The following HEATR5B variants were observed in gnomAD, a reference collection of about 807,000 sequenced individuals.
HEATR5B encodes HEAT repeat-containing protein 5B.
In HEATR5B, 156 loss-of-function variants were observed where a neutral mutation model predicts 224.1. That is an observed-to-expected ratio of 0.70 (90% CI 0.61 to 0.80). The LOEUF is 0.80. Ranked by LOEUF, HEATR5B falls within the 30% of genes least tolerant of loss-of-function variation. HEATR5B has a pLI of 0.00. For missense variants in HEATR5B, 2,323 were observed against 2,535.5 expected, an observed-to-expected ratio of 0.92 and a Z score of 1.80; for synonymous variants, 1,027 against 893.0, an observed-to-expected ratio of 1.15 and a Z score of -2.68.
At chr2:37,059,400 A>ATG (rs1341555176) in intron 12 of HEATR5B, among the ~76,000 whole-genome samples, 36 of 131,762 alleles carry the variant, frequency 2.7e-4, no homozygotes, top group African/African-American at 9.4e-4. Context: ...ACAGATATAT[A>ATG]TGTATATGTG....
intron 12 of HEATR5B, 50 bp downstream of exon 12, chr2:37,060,531 T>A: frequency 7.0e-7 from 1 of 1,429,214 alleles, no homozygotes; most frequent in Non-Finnish European, 9.3e-7. Flanking sequence ...ACTTTACAAA[T>A]ATTTTAGTTA....
chr2:37,049,573 A>C, intron 18 of HEATR5B, 80 bp downstream of exon 18: 1 of 1,273,780 alleles, frequency 7.9e-7, no homozygotes, highest in Non-Finnish European at 1.1e-6. Context: ...ACCATGTGGA[A>C]AACATAAACT....
chr2:37,047,454 A>C (rs1256299053), intron 18 of HEATR5B, among the ~76,000 whole-genome samples: 3 of 152,246 alleles, frequency 2.0e-5, no homozygotes, highest in African/African-American at 7.2e-5. Context: ...TAGTGAACCT[A>C]AAGCAGAATC....
intron 33 of HEATR5B, among the ~76,000 whole-genome samples, chr2:36,992,300 C>T (rs565443759): frequency 1.3e-5 from 2 of 151,986 alleles, no homozygotes; most frequent in African/African-American, 4.8e-5. Context: ...TGAGAACCCA[C>T]CCAGACTAGG....
Position 37,027,937 on chromosome 2 carries a change from A to C in HEATR5B, c.3839T>G (p.Leu1280Arg). The C allele has an allele frequency of 6.2e-7, 1 of 1,613,660 alleles. No individual in the cohort carries two copies. The highest frequency in any genetic ancestry group is 8.5e-7 in the Non-Finnish European group (1 of 1,179,620). Residue 1280 changes from leucine to arginine, a missense_variant, in exon 24 of 36, where the codon CTT (leucine) becomes CGT (arginine). This residue lies in a region of HEATR5B where 339 missense variants were observed against 378.4 expected (regional missense o/e 0.90). Transcript: ENST00000233099. ...TTTAAATTTACTTGTAGGGTTTCGA[A>C]GTTTAGCAGAACGTGCCAAGGCAAG... The part of the protein sequence containing the change: ...FDLALARSAK[L>R]RNPTNDLLVL...
chr2:37,044,380 G>C (rs1198956074), intron 18 of HEATR5B, among the ~76,000 whole-genome samples: 1 of 152,124 alleles, frequency 6.6e-6, no homozygotes, highest in South Asian at 2.1e-4. Flanking sequence ...CCTAGTCTTT[G>C]GGGTCTGGAT....
At chr2:37,034,233 C>T (rs1300227077) in intron 21 of HEATR5B, among the ~76,000 whole-genome samples, 1 of 150,744 alleles carries the variant, frequency 6.6e-6, no homozygotes, top group Non-Finnish European at 1.5e-5. Flanking sequence ...GTCTCCATCT[C>T]CTGACCTTCT....
At chr2:36,990,463 T>C (rs1328310029) in intron 34 of HEATR5B, among the ~76,000 whole-genome samples, 185 bp downstream of exon 34, 2 of 152,230 alleles carry the variant, frequency 1.3e-5, no homozygotes, top group African/African-American at 4.8e-5. Context: ...TTTCTACATA[T>C]GTGAATAAAC....
chr2:37,062,197 C>A lies in HEATR5B; in HGVS notation c.1585-147G>T, dbSNP rs541482567. 2.9e-4 allele frequency: 156 copies of A among 531,286 alleles called. 1 individual carries two copies. Among genetic ancestry groups the A allele is most frequent in the African/African-American group, 2.6e-3 (136 of 51,508 alleles). 32.9% of individuals were successfully genotyped at this position (531,286 alleles called of 1,614,324 possible). ...ATCCTAGCACTTTGGGAGGCTGAGG[C>A]AGGCAGATTGCCTGAGCTCAGGAGT... On this transcript the variant is annotated intron_variant, in intron 10 of 35. Coordinates refer to ENST00000233099, the MANE Select transcript of HEATR5B (RefSeq NM_019024.3).
At chr2:37,000,845 A>C (rs1382683358) in intron 32 of HEATR5B, 32 bp from the exon 33 acceptor site, 2 of 1,372,170 alleles carry the variant, frequency 1.5e-6, no homozygotes, top group South Asian at 2.3e-5. Flanking sequence ...TCACCTCATA[A>C]CTATTCAGTT....
intron 5 of HEATR5B, among the ~76,000 whole-genome samples, chr2:37,073,318 C>T (rs960629184): frequency 1.4e-4 from 21 of 152,162 alleles, no homozygotes; most frequent in Admixed American, 6.5e-5. Flanking sequence ...ATGTTATTCA[C>T]CACATTAGCA....
chr2:37,050,640 T>C (rs933373334), intron 17 of HEATR5B, among the ~76,000 whole-genome samples: 6 of 152,214 alleles, frequency 3.9e-5, no homozygotes, highest in Admixed American at 2.6e-4. Context: ...AAGAGGATAT[T>C]TGGAAGAGTA....
intron 18 of HEATR5B, among the ~76,000 whole-genome samples, chr2:37,044,804 G>T (rs1670089380): frequency 6.6e-6 from 1 of 152,170 alleles, no homozygotes; most frequent in Non-Finnish European, 1.5e-5. Flanking sequence ...ATTGGTCCCA[G>T]AAGTCACTGA....
At chr2:37,016,661 T>C (rs62133105) in intron 26 of HEATR5B, among the ~76,000 whole-genome samples, 27,307 of 152,138 alleles carry the variant, frequency 0.18, 3,199 homozygotes, top group East Asian at 0.53. Context: ...ACAAGTCAGC[T>C]CAGGTTTTGC....
rs187749558 is a variant in HEATR5B at position 37,081,941 on chromosome 2, T to C, written c.126+1348A>G. Among the ~76,000 whole-genome samples, 427 of 151,182 alleles carry C rather than the reference T, an allele frequency of 2.8e-3. 6 individuals are homozygous for C. The highest frequency in any genetic ancestry group is 9.9e-3 in the African/African-American group (409 of 41,158). On this transcript the variant is annotated intron_variant, in intron 2 of 35. Transcript: ENST00000233099. ...ACTAAGGTCAGGGACCAAACTAGCC[T>C]ACAGTGAAGTCCAGTTTAAAAGACT...
At chr2:37,021,466 T>G (rs1408012366) in intron 24 of HEATR5B, among the ~76,000 whole-genome samples, 1 of 152,210 alleles carries the variant, frequency 6.6e-6, no homozygotes, top group African/African-American at 2.4e-5. Flanking sequence ...CCTGACAATG[T>G]CAATTACCAG....
intron 28 of HEATR5B, chr2:37,008,210 C>G (rs1471200450): frequency 5.8e-6 from 1 of 172,834 alleles, no homozygotes; most frequent in African/African-American, 2.4e-5. Context: ...GATAAGAAAA[C>G]TAAAGTACAA....
At chr2:37,052,870 T>G (rs1670646979) in intron 17 of HEATR5B, among the ~76,000 whole-genome samples, 1 of 152,182 alleles carries the variant, frequency 6.6e-6, no homozygotes, top group Non-Finnish European at 1.5e-5. Context: ...GATTTTATCA[T>G]GCTACTCAGA....
Position 37,028,896 on chromosome 2 carries a change from A to G in HEATR5B, c.3386T>C (p.Val1129Ala), listed in dbSNP as rs1198356499. Residue 1129 changes from valine (V) to alanine (A), a missense_variant, in exon 23 of 36, where the codon GTT becomes GCT. Physicochemically the swap from Val to Ala is moderately conservative, Grantham distance 64. This residue lies in a region of HEATR5B where 339 missense variants were observed against 378.4 expected (regional missense o/e 0.90). Coordinates refer to ENST00000233099, the MANE Select transcript of HEATR5B (RefSeq NM_019024.3). ...SANVSPFAPG[V>A]SSRTDIHCRH... Reference sequence around the variant, plus strand: ...GCAATGGATATCAGTTCGAGAACTAACCCCAGGGGCAAAAGGACTGACATC... The same window carrying G: ...GCAATGGATATCAGTTCGAGAACTAGCCCCAGGGGCAAAAGGACTGACATC... 6.2e-7 allele frequency: 1 copy of G among 1,613,996 alleles called. No individual in the cohort carries two copies. Among genetic ancestry groups the G allele is most frequent in the South Asian group, 1.1e-5 (1 of 91,044 alleles).
Sources: gnomAD v4.1 joint callset for allele counts (sites outside exome capture counted in the v4.1 genomes callset) on GRCh38, gnomAD v4.1.1 for gene constraint, gnomAD v4.1.1 regional missense constraint, MANE v1.5 for transcripts, NCBI Gene and HGNC (gene_info 2026-07-23, HGNC 2026-07-21) for gene names.